TM2D1: variants seen among roughly 807,000 people sequenced by gnomAD.
TM2D1 encodes the protein TM2 domain-containing protein 1.
TM2D1 carries 15 observed loss-of-function variants against 28.4 expected under a neutral mutation model. The ratio of observed to expected loss-of-function variants is 0.53; its 90% confidence interval spans 0.35 to 0.81. The LOEUF (loss-of-function observed/expected upper bound fraction) is 0.81, where lower values mean the gene tolerates loss of function less well. TM2D1 is among the 40% of genes least tolerant of loss of function. TM2D1 has a pLI of 0.01. For synonymous variants in TM2D1, 93 were observed against 96.2 expected (o/e 0.97, Z 0.20); for missense variants, 236 against 254.9 (o/e 0.93, Z 0.50).
chr1:61,716,594 C>T (rs983941957), intron 2 of TM2D1, among the ~76,000 whole-genome samples: 41 of 144,164 alleles, frequency 2.8e-4, no homozygotes, highest in African/African-American at 8.3e-4. Context: ...TATATATATA[C>T]ACACACACAC....
chr1:61,711,379 G>A (rs1394471993), intron 2 of TM2D1, among the ~76,000 whole-genome samples: 1 of 150,596 alleles, frequency 6.6e-6, no homozygotes, highest in Non-Finnish European at 1.5e-5. Flanking sequence ...GGACAGAAGA[G>A]TGACTCACGC....
At chr1:61,714,491 A>T in intron 2 of TM2D1, among the ~76,000 whole-genome samples, 1 of 152,062 alleles carries the variant, frequency 6.6e-6, no homozygotes, top group East Asian at 1.9e-4. Flanking sequence ...CAGTGAGCTG[A>T]GGTCGCGCCA....
rs937713923 is a variant in TM2D1, at chr1:61,699,981, G to C, written c.439+953C>G. 12 of 669,024 alleles carry C rather than the reference G, an allele frequency of 1.8e-5. No homozygotes were observed. The African/African-American group carries it at 2.3e-4, about 13-fold the overall frequency. The allele number at this position is 669,024 out of a possible 1,614,324, so 41.4% of individuals were successfully genotyped here. On this transcript the variant is annotated intron_variant, in intron 4 of 6. Coordinates refer to ENST00000606498, the MANE Select transcript of TM2D1 (RefSeq NM_032027.3). ...ATCTTTTGTGGGTAGCAACATGGAA[G>C]AAATAAGGTTAGCTTTGCTAGCTAG...
intron 5 of TM2D1, among the ~76,000 whole-genome samples, chr1:61,688,927 C>T (rs1476021557): frequency 6.6e-6 from 1 of 151,510 alleles, no homozygotes; most frequent in East Asian, 1.9e-4. Context: ...ATCCCAGCTA[C>T]TCAGGAGGCT....
chr1:61,718,248 C>T (rs934914351), intron 2 of TM2D1, among the ~76,000 whole-genome samples: 5 of 151,310 alleles, frequency 3.3e-5, no homozygotes, highest in Non-Finnish European at 7.4e-5. Flanking sequence ...AGAGATCCTG[C>T]GACCAAACTC....
rs1273786415 is a variant in TM2D1, at chr1:61,716,476, TAATTTTATATAC to T, written c.239-7051_239-7040del. ...TTTTATATACATATATAATTATATATAATTTTATATACGTATATAATTATATATAATTTTATA... is the reference window on the plus strand; with the variant it reads ...TTTTATATACATATATAATTATATATGTATATAATTATATATAATTTTATA... On this transcript the variant is annotated intron_variant, in intron 2 of 6. Transcript: ENST00000606498. 1.2e-4 allele frequency among the ~76,000 whole-genome samples: 17 copies of T among 145,774 alleles called. No individual in the cohort carries two copies. The East Asian group carries it at 3.1e-3, about 27-fold the overall frequency.
chr1:61,701,218 C>T (rs780787506), intron 3 of TM2D1, among the ~76,000 whole-genome samples, 193 bp from the exon 4 acceptor site: 5 of 149,512 alleles, frequency 3.3e-5, no homozygotes, highest in Non-Finnish European at 5.9e-5. Flanking sequence ...TCCCTATCCC[C>T]GTGTAGCTTA....
At chr1:61,724,495 C>T (rs1262762594) in intron 1 of TM2D1, 1 of 153,946 alleles carries the variant, frequency 6.5e-6, no homozygotes, top group African/African-American at 2.4e-5. Flanking sequence ...TTGAAGATGA[C>T]ATGAGGTAAT....
chr1:61,712,554 G>A (rs1388239149), intron 2 of TM2D1, among the ~76,000 whole-genome samples: 3 of 152,006 alleles, frequency 2.0e-5, no homozygotes, highest in African/African-American at 7.2e-5. Flanking sequence ...GGGATTATAG[G>A]CACCTGCTAC....
chr1:61,715,433 A>C (rs941478237), intron 2 of TM2D1, among the ~76,000 whole-genome samples: 5 of 151,986 alleles, frequency 3.3e-5, no homozygotes, highest in African/African-American at 1.2e-4. Flanking sequence ...GGATCACTTG[A>C]GTCCAGGAAT....
At chr1:61,723,587 G>A in intron 2 of TM2D1, 126 bp downstream of exon 2, 1 of 468,256 alleles carries the variant, frequency 2.1e-6, no homozygotes, top group Non-Finnish European at 3.7e-6. Context: ...AGTTACTCTG[G>A]AAACTGAATA....
At chr1:61,693,149 A>G (rs1644341014) in intron 5 of TM2D1, among the ~76,000 whole-genome samples, 1 of 152,106 alleles carries the variant, frequency 6.6e-6, no homozygotes. Flanking sequence ...AGGTGGGAGG[A>G]TCGCTTAAGC....
intron 2 of TM2D1, among the ~76,000 whole-genome samples, chr1:61,716,037 C>G (rs1235515479): frequency 6.6e-6 from 1 of 151,724 alleles, no homozygotes; most frequent in Non-Finnish European, 1.5e-5. Context: ...GATCTCCTGA[C>G]CTCGTGATCC....
At chr1:61,698,007 A>G (rs1177596078) in intron 4 of TM2D1, 1 of 152,224 alleles carries the variant, frequency 6.6e-6, no homozygotes, top group African/African-American at 2.4e-5. Context: ...TAAATTTATC[A>G]TCTTACTCTG....
chr1:61,710,535 C>T (rs556791752), intron 2 of TM2D1, among the ~76,000 whole-genome samples: 166 of 139,848 alleles, frequency 1.2e-3, no homozygotes, highest in Non-Finnish European at 2.2e-3. Flanking sequence ...CACACATATA[C>T]GACTACCCAC....
At chr1:61,710,281 C>T (rs1644467497) in intron 2 of TM2D1, among the ~76,000 whole-genome samples, 2 of 151,454 alleles carry the variant, frequency 1.3e-5, no homozygotes, top group South Asian at 4.2e-4. Context: ...CAAAAATTTG[C>T]CAGGCATGGT....
At chr1:61,696,052 T>C (rs1272071492) in intron 4 of TM2D1, 1 of 152,184 alleles carries the variant, frequency 6.6e-6, no homozygotes, top group Non-Finnish European at 1.5e-5. Flanking sequence ...ACTCCCATCA[T>C]TTCATCCATT....
At position 61,706,868 on chromosome 1, in the gene TM2D1, G is replaced by A. The variant is rs551827344; in HGVS notation, c.347+2461C>T. On this transcript the variant is annotated intron_variant, in intron 3 of 6. Coordinates refer to ENST00000606498, the MANE Select transcript of TM2D1 (RefSeq NM_032027.3). ...AAAGAAAGAAAGAAAGAAAGAAATAGTAAACTTTATTGTAAGAAGGGAATA... is the reference window on the plus strand; with the variant it reads ...AAAGAAAGAAAGAAAGAAAGAAATAATAAACTTTATTGTAAGAAGGGAATA... Among the ~76,000 whole-genome samples, 4 of 85,244 alleles carry A rather than the reference G, an allele frequency of 4.7e-5. No individual in the cohort carries two copies. In the South Asian group the frequency reaches 1.5e-3, roughly 32 times the overall value. The allele number at this position is 85,244 out of a possible 152,430, so 55.9% of individuals were successfully genotyped here. A position where few individuals can be genotyped will look rare whatever the true frequency, so the allele number is the denominator to read the frequency against.
chr1:61,702,327 T>A (rs970307083), intron 3 of TM2D1, among the ~76,000 whole-genome samples: 3 of 151,672 alleles, frequency 2.0e-5, no homozygotes, highest in South Asian at 4.2e-4. Context: ...CTTATATATA[T>A]AATATATATA....
Sources: gnomAD v4.1 joint callset for allele counts (sites outside exome capture counted in the v4.1 genomes callset) on GRCh38, gnomAD v4.1.1 for gene constraint, MANE v1.5 for transcripts, NCBI Gene and HGNC (gene_info 2026-07-23, HGNC 2026-07-21) for gene names.